Variants in GPC6 observed in about 807,000 individuals in gnomAD.
The protein encoded by GPC6 is glypican-6.
In GPC6, 14 loss-of-function variants were observed where a neutral mutation model predicts 55.2. The ratio of observed to expected loss-of-function variants is 0.25; its 90% CI spans 0.17 to 0.40. The LOEUF is 0.40. Among genes scored for constraint, GPC6 ranks in the 10% least tolerant of loss-of-function variants. The pLI is 1.00. For synonymous variants in GPC6, 278 were observed against 259.6 expected, an observed-to-expected ratio of 1.07 and a Z score of -0.68; for missense variants, 641 against 708.5, an observed-to-expected ratio of 0.90 and a Z score of 1.08.
At chr13:93,773,961 G>A (rs1304328356) in intron 2 of GPC6, among the ~76,000 whole-genome samples, 1 of 152,202 alleles carries the variant, frequency 6.6e-6, no homozygotes, top group Non-Finnish European at 1.5e-5. Flanking sequence ...CAGTTCAGGT[G>A]TAAGAAGACA....
intron 2 of GPC6, among the ~76,000 whole-genome samples, chr13:93,780,375 A>G (rs575225811): frequency 6.6e-6 from 1 of 152,210 alleles, no homozygotes; most frequent in South Asian, 2.1e-4. Context: ...TATTGTAAAC[A>G]ATTAGCTTAG....
At chr13:93,356,632 T>C (rs1258607991) in intron 1 of GPC6, among the ~76,000 whole-genome samples, 2 of 152,206 alleles carry the variant, frequency 1.3e-5, no homozygotes, top group Non-Finnish European at 2.9e-5. Flanking sequence ...TTGGTTATCA[T>C]AGAGACTTAC....
At chr13:93,475,266 T>G (rs1401371034) in intron 1 of GPC6, among the ~76,000 whole-genome samples, 1 of 152,186 alleles carries the variant, frequency 6.6e-6, no homozygotes, top group Non-Finnish European at 1.5e-5. Flanking sequence ...TAATATAATT[T>G]TGGAGAATTG....
chr13:93,621,450 T>C (rs2139557374), intron 2 of GPC6, among the ~76,000 whole-genome samples: 1 of 152,332 alleles, frequency 6.6e-6, no homozygotes, highest in South Asian at 2.1e-4. Context: ...GCCATGTTTC[T>C]CAAACTTGGT....
intron 2 of GPC6, among the ~76,000 whole-genome samples, chr13:93,682,209 A>G (rs1320447488): frequency 6.6e-6 from 1 of 152,132 alleles, no homozygotes; most frequent in Admixed American, 6.6e-5. Context: ...TTTGCAGCCA[A>G]TTTATGGGGC....
intron 6 of GPC6, among the ~76,000 whole-genome samples, chr13:94,336,857 T>G (rs1288037431): frequency 1.3e-5 from 2 of 152,186 alleles, no homozygotes; most frequent in African/African-American, 4.8e-5. Context: ...AACTTCATTC[T>G]CTTAAGAATT....
At chr13:93,681,667 A>G (rs1193087963) in intron 2 of GPC6, among the ~76,000 whole-genome samples, 3 of 152,194 alleles carry the variant, frequency 2.0e-5, no homozygotes, top group Non-Finnish European at 4.4e-5. Context: ...AGCAATTTCA[A>G]TATTTCTTCA....
intron 2 of GPC6, among the ~76,000 whole-genome samples, chr13:93,819,015 G>T (rs1395251210): frequency 4.6e-5 from 7 of 152,112 alleles, no homozygotes; most frequent in Non-Finnish European, 5.9e-5. Flanking sequence ...AAGTATACAA[G>T]ATATACTGGT....
At chr13:93,320,246 G>T (rs1035311083) in intron 1 of GPC6, among the ~76,000 whole-genome samples, 1 of 152,014 alleles carries the variant, frequency 6.6e-6, no homozygotes, top group African/African-American at 2.4e-5. Flanking sequence ...TTTTATATTT[G>T]TTCCAGAATA....
chr13:94,193,805 A>G (rs2138965982), intron 4 of GPC6, among the ~76,000 whole-genome samples: 3 of 152,236 alleles, frequency 2.0e-5, no homozygotes, highest in Admixed American at 2.0e-4. Flanking sequence ...TCAGCAGCTG[A>G]CTTTGGCTTT....
chr13:93,428,018 C>T (rs764584877), intron 1 of GPC6, among the ~76,000 whole-genome samples: 3 of 152,072 alleles, frequency 2.0e-5, no homozygotes, highest in Non-Finnish European at 2.9e-5. Flanking sequence ...TAGTATTCTG[C>T]TGAAATTTGA....
At chr13:93,222,811 T>C (rs1243800297), upstream of GPC6, among the ~76,000 whole-genome samples, 2 of 152,160 alleles carry the variant, frequency 1.3e-5, no homozygotes, top group Non-Finnish European at 2.9e-5. Context: ...GGATATTTAT[T>C]GATTATTTAA....
intron 1 of GPC6, among the ~76,000 whole-genome samples, chr13:93,419,515 G>A (rs1876845225): frequency 6.6e-6 from 1 of 152,076 alleles, no homozygotes; most frequent in South Asian, 2.1e-4. Context: ...TTGCTATTAT[G>A]GAGCTAAGTG....
Position 93,545,291 on chromosome 13 carries a change from A to T in GPC6, c.189A>T (p.Glu63Asp). ...AACACTTAAGAATCTGTCCTCAGGAATATACATGCTGCACCACAGAAATGG... is the reference window on the plus strand; with the variant it reads ...AACACTTAAGAATCTGTCCTCAGGATTATACATGCTGCACCACAGAAATGG... The part of the protein sequence containing the change: ...AGEHLRICPQ[E>D]YTCCTTEMED... The change falls in exon 2 of 9, where the codon GAA (glutamate) becomes GAT (aspartate). Residue 63 changes from glutamate to aspartate, a missense_variant. Coordinates refer to ENST00000377047, the MANE Select transcript of GPC6 (RefSeq NM_005708.5). 6.2e-7 allele frequency: 1 copy of T among 1,613,660 alleles called. No individual in the cohort carries two copies. Among genetic ancestry groups the T allele is most frequent in the South Asian group, 1.1e-5 (1 of 91,080 alleles).
chr13:94,317,885 G>T (rs1876620001), intron 6 of GPC6, among the ~76,000 whole-genome samples: 1 of 151,982 alleles, frequency 6.6e-6, no homozygotes, highest in Non-Finnish European at 1.5e-5. Flanking sequence ...ATGTGTGTGT[G>T]TTTCTTTTTT....
At chr13:93,445,517 C>T (rs1225703040) in intron 1 of GPC6, among the ~76,000 whole-genome samples, 1 of 152,208 alleles carries the variant, frequency 6.6e-6, no homozygotes, top group African/African-American at 2.4e-5. Context: ...TCAAACTTCT[C>T]TATTTTAAGA....
chr13:93,772,211 T>G (rs1211814668), intron 2 of GPC6, among the ~76,000 whole-genome samples: 1 of 152,176 alleles, frequency 6.6e-6, no homozygotes, highest in Non-Finnish European at 1.5e-5. Flanking sequence ...TGTAGGATGA[T>G]TTATTGCTTC....
chr13:94,052,888 T>C (rs2225229), intron 4 of GPC6, among the ~76,000 whole-genome samples: 19,145 of 152,024 alleles, frequency 0.13, 1,602 homozygotes, highest in East Asian at 0.37. Flanking sequence ...AAAGCTCCCC[T>C]TTCTGTACTG....
At chr13:93,743,095 G>A (rs2138851967) in intron 2 of GPC6, among the ~76,000 whole-genome samples, 1 of 152,314 alleles carries the variant, frequency 6.6e-6, no homozygotes, top group South Asian at 2.1e-4. Flanking sequence ...GGTGGTCTAT[G>A]AGTAGAAGAA....
Sources: allele counts gnomAD v4.1 joint callset (sites outside exome capture counted in the v4.1 genomes callset), GRCh38; gene constraint gnomAD v4.1.1; transcripts MANE v1.5; gene names NCBI Gene and HGNC (gene_info 2026-07-23, HGNC 2026-07-21).